Variants in VSNL1 observed in about 807,000 individuals in gnomAD.
The protein encoded by VSNL1 is visinin like 1, also known as visinin-like protein 1.
Under a neutral mutation model 20.4 loss-of-function variants are expected in VSNL1, and 6 were observed. The ratio of observed to expected loss-of-function variants is 0.29; its 90% confidence interval spans 0.16 to 0.58. The LOEUF (loss-of-function observed/expected upper bound fraction) is 0.58. Among genes scored for constraint, VSNL1 ranks in the 20% least tolerant of loss-of-function variants. The pLI is 0.90. For missense variants in VSNL1, 100 were observed against 234.5 expected (o/e 0.43, Z 3.75); for synonymous variants, 93 against 86.4 (o/e 1.08, Z -0.42).
At chr2:17,546,234 A>G (rs183047703) in intron 1 of VSNL1, among the ~76,000 whole-genome samples, 1 of 152,140 alleles carries the variant, frequency 6.6e-6, no homozygotes, top group East Asian at 1.9e-4. Flanking sequence ...TTTATCTGCA[A>G]TTATTATCGA....
upstream of VSNL1, chr2:17,540,631 A>C (rs1192941382): frequency 6.5e-6 from 1 of 152,860 alleles, no homozygotes; most frequent in South Asian, 2.1e-4. Context: ...GGGTGCCTGG[A>C]GAGGCGGAGG....
intron 2 of VSNL1, among the ~76,000 whole-genome samples, chr2:17,596,012 T>G (rs1329003393): frequency 6.6e-6 from 1 of 152,228 alleles, no homozygotes; most frequent in Non-Finnish European, 1.5e-5. Flanking sequence ...CTACTTGGGT[T>G]GTCAACACAT....
At chr2:17,587,754 G>T (rs1238483824) in intron 1 of VSNL1, among the ~76,000 whole-genome samples, 1 of 152,096 alleles carries the variant, frequency 6.6e-6, no homozygotes, top group Non-Finnish European at 1.5e-5. Flanking sequence ...TTTAGCTAGG[G>T]TAAATTACTT....
intron 1 of VSNL1, 128 bp downstream of exon 1, chr2:17,541,046 C>T (rs1663274202): frequency 1.3e-5 from 2 of 148,920 alleles, no homozygotes; most frequent in African/African-American, 5.0e-5. Context: ...GGGACAATTT[C>T]CTTGCTTAAT....
chr2:17,594,207 T>A (rs1014746497), intron 2 of VSNL1, among the ~76,000 whole-genome samples: 5 of 152,168 alleles, frequency 3.3e-5, no homozygotes, highest in Non-Finnish European at 5.9e-5. Flanking sequence ...ACCAAAATCA[T>A]CTCCCACCTC....
At position 17,592,225 on chromosome 2, in the gene VSNL1, C is replaced by T. The variant is rs1324503362; in HGVS notation, c.151C>T (p.Leu51Phe). The T allele has an allele frequency of 6.2e-7, 1 of 1,613,624 alleles. No individual in the cohort carries two copies. The highest frequency in any genetic ancestry group is 8.5e-7 in the Non-Finnish European group (1 of 1,179,670). ...GCTAAATCTCGAGGAATTTCAGCAG[C>T]TCTATGTGAAGGTAAGTTGTTTTTC... ...GRLNLEEFQQ[L>F]YVKFFPYGDA... Residue 51 changes from leucine (L) to phenylalanine (F), a missense_variant, in exon 2 of 4, where the codon CTC (leucine) becomes TTC (phenylalanine). Physicochemically the swap from Leu to Phe is conservative, Grantham distance 22. Transcript: ENST00000295156.
chr2:17,619,653 G>A (rs1313644428), intron 2 of VSNL1, among the ~76,000 whole-genome samples: 2 of 152,040 alleles, frequency 1.3e-5, no homozygotes, highest in Non-Finnish European at 2.9e-5. Flanking sequence ...GAGAAACCAG[G>A]TCACAAACAG....
intron 1 of VSNL1, among the ~76,000 whole-genome samples, chr2:17,585,283 G>A (rs777859206): frequency 3.9e-5 from 6 of 151,946 alleles, no homozygotes; most frequent in South Asian, 2.1e-4. Context: ...CTCCCTGCCC[G>A]CTGGGAAATG....
chr2:17,591,171 TTA>T (rs1367573130), intron 1 of VSNL1, among the ~76,000 whole-genome samples: 2 of 152,164 alleles, frequency 1.3e-5, no homozygotes, highest in African/African-American at 4.8e-5. Context: ...TATGTCTGCT[TTA>T]TTAATGAATA....
chr2:17,569,256 G>A (rs1664025163), intron 1 of VSNL1, among the ~76,000 whole-genome samples: 1 of 151,210 alleles, frequency 6.6e-6, no homozygotes, highest in Non-Finnish European at 1.5e-5. Flanking sequence ...GCAGGGAGTG[G>A]AGATCATACA....
chr2:17,582,784 A>C (rs1046006746), intron 1 of VSNL1, among the ~76,000 whole-genome samples: 3 of 151,952 alleles, frequency 2.0e-5, no homozygotes, highest in Non-Finnish European at 4.4e-5. Context: ...AATGTCTAGC[A>C]GGCAGATGAA....
At chr2:17,629,872 C>A (rs555068255) in intron 2 of VSNL1, among the ~76,000 whole-genome samples, 1 of 152,122 alleles carries the variant, frequency 6.6e-6, no homozygotes, top group Non-Finnish European at 1.5e-5. Context: ...GGGGTGGTCC[C>A]CCACCCCCAC....
intron 1 of VSNL1, among the ~76,000 whole-genome samples, chr2:17,575,535 A>AT (rs899671353): frequency 2.6e-4 from 39 of 150,944 alleles, no homozygotes; most frequent in Admixed American, 9.9e-4. Flanking sequence ...CTTTTTTTTT[A>AT]TTTTTTTTAT....
intron 1 of VSNL1, among the ~76,000 whole-genome samples, chr2:17,561,842 G>C (rs1663823504): frequency 6.6e-6 from 1 of 152,182 alleles, no homozygotes; most frequent in African/African-American, 2.4e-5. Flanking sequence ...TAATTCTTCA[G>C]ACAGAGAATC....
At chr2:17,598,989 G>A (rs1286987213) in intron 2 of VSNL1, among the ~76,000 whole-genome samples, 2 of 152,156 alleles carry the variant, frequency 1.3e-5, no homozygotes, top group South Asian at 2.1e-4. Context: ...ATAGCTCCAC[G>A]CTAATGCAGA....
rs73218746 is a variant in VSNL1, at chr2:17,552,523, C to T, written c.-6+11605C>T. Among the ~76,000 whole-genome samples, 1,412 of 152,228 alleles carry T rather than the reference C, an allele frequency of 9.3e-3. 16 individuals carry two copies. The highest frequency in any genetic ancestry group is 0.031 in the African/African-American group (1,296 of 41,536). ...ATAATATAATAAGCCCCCATGTACC[C>T]ATCACCCAATGTTAATCAGTATTAA... is the stretch of plus-strand genomic sequence containing the variant. On this transcript the variant is annotated intron_variant, in intron 1 of 3. Coordinates refer to ENST00000295156, the MANE Select transcript of VSNL1 (RefSeq NM_003385.5).
intron 2 of VSNL1, among the ~76,000 whole-genome samples, chr2:17,603,425 C>T (rs1251561555): frequency 6.6e-6 from 1 of 152,110 alleles, no homozygotes; most frequent in Non-Finnish European, 1.5e-5. Flanking sequence ...GCACCTAGTC[C>T]CCTCCCAAAG....
chr2:17,570,951 A>T (rs13413277), intron 1 of VSNL1, among the ~76,000 whole-genome samples: 4,457 of 152,130 alleles, frequency 0.029, 207 homozygotes, highest in African/African-American at 0.1. Flanking sequence ...GCTTGAACCC[A>T]GGAGGCGAAG....
At chr2:17,605,525 C>T (rs1458449735) in intron 2 of VSNL1, among the ~76,000 whole-genome samples, 1 of 152,226 alleles carries the variant, frequency 6.6e-6, no homozygotes, top group African/African-American at 2.4e-5. Flanking sequence ...CCCTCCGCAG[C>T]AGCTGGTAAC....
Sources: gnomAD v4.1 joint callset for allele counts (sites outside exome capture counted in the v4.1 genomes callset) on GRCh38, gnomAD v4.1.1 for gene constraint, MANE v1.5 for transcripts, NCBI Gene and HGNC (gene_info 2026-07-23, HGNC 2026-07-21) for gene names.